TTLL8: variants seen among roughly 807,000 people sequenced by gnomAD.
TTLL8 encodes the protein tubulin tyrosine ligase like 8, also known as protein monoglycylase TTLL8.
Under a neutral mutation model 77.8 loss-of-function variants are expected in TTLL8, and 65 were observed. The ratio of observed to expected loss-of-function variants is 0.84; its 90% CI spans 0.68 to 1.03. The LOEUF is 1.03. Ranked by LOEUF, TTLL8 falls within the 50% of genes least tolerant of loss-of-function variation. The pLI, the probability that TTLL8 is intolerant of heterozygous loss-of-function variation, is 0.00. For synonymous variants in TTLL8, 402 were observed against 422.8 expected (o/e 0.95, Z 0.60); for missense variants, 910 against 1,004.5 (o/e 0.91, Z 1.27).
In TTLL8 at chr22:50,029,512, C is replaced by CA. The variant is rs769844944; in HGVS notation, c.2203+917_2203+918insT. 1.7e-3 allele frequency among the ~76,000 whole-genome samples: 254 copies of CA among 151,902 alleles called. 3 individuals carry two copies. Among genetic ancestry groups the CA allele is most frequent in the South Asian group, 6.7e-3 (32 of 4,804 alleles). ...ATCCCAGCACCTTGGGAGGCTGAGG[C>CA]GGCGGATCACGAGGTCAGGAGGTGG... is the stretch of plus-strand genomic sequence containing the variant. On this transcript the variant is annotated intron_variant, in intron 12 of 13. Coordinates refer to ENST00000266182, the Ensembl canonical transcript of TTLL8.
rs2061323260 is a variant in TTLL8 at position 50,034,621 on chromosome 22, C to CG, written c.922-160dup. On this transcript the variant is annotated intron_variant, in intron 8 of 13. Transcript: ENST00000266182. The surrounding 1 kb of genome is among the most constrained non-coding windows in gnomAD (Gnocchi z 4.1). ...GGGCTGGCCTGGCGGGAAAGGGCTG[C>CG]GGGTCGGCCCAGGAAGTTCTCCCAA... 2 of 675,508 alleles carry CG rather than the reference C, an allele frequency of 3.0e-6. No homozygotes were observed. Among genetic ancestry groups the CG allele is most frequent in the Non-Finnish European group, 2.1e-6 (1 of 466,984 alleles). The allele number at this position is 675,508 out of a possible 1,614,324, so 41.8% of individuals were successfully genotyped here.
chr22:50,045,901 G>T, exon 5 of TTLL8: 2 of 1,361,522 alleles, frequency 1.5e-6, no homozygotes, highest in South Asian at 1.1e-5. Context: ...CTGTAGCAGC[G>T]TGGGAAGAAG....
exon 11 of TTLL8, chr22:50,031,940 T>C (rs1282893829): frequency 2.2e-6 from 3 of 1,366,958 alleles, no homozygotes. Flanking sequence ...GCGATGGCCT[T>C]CTTCATGGAC....
At chr22:50,021,216 C>CTGA (rs1465886152) in intron 12 of TTLL8, among the ~76,000 whole-genome samples, 10 of 149,896 alleles carry the variant, frequency 6.7e-5, no homozygotes, top group East Asian at 4.0e-4. Context: ...ACTCCTCCAT[C>CTGA]TGACGTGCAC....
Position 50,044,828 on chromosome 22 carries a change from CGGCT to C in TTLL8, c.643+423_643+426del, listed in dbSNP as rs1187405736. On this transcript the variant is annotated intron_variant, in intron 6 of 13. Coordinates refer to ENST00000266182, the Ensembl canonical transcript of TTLL8. The surrounding 1 kb of genome is among the most constrained non-coding windows in gnomAD (Gnocchi z 4.2). Reference sequence around the variant, plus strand: ...ATTTGGGTTTTGTCCAAAAACACGACGGCTGGTTCACATCCCTGTACCACCCAGG... The same window carrying C: ...ATTTGGGTTTTGTCCAAAAACACGACGGTTCACATCCCTGTACCACCCAGG... 6.6e-6 allele frequency among the ~76,000 whole-genome samples: 1 copy of C among 152,192 alleles called. No individual in the cohort carries two copies. Among genetic ancestry groups the C allele is most frequent in the Non-Finnish European group, 1.5e-5 (1 of 68,024 alleles).
At chr22:50,050,135 A>G (rs774451072) in exon 2 of TTLL8, 1 of 1,367,278 alleles carries the variant, frequency 7.3e-7, no homozygotes, top group Admixed American at 1.9e-5. Flanking sequence ...TTCATCCTCG[A>G]CATCCGGAAT....
chr22:50,029,323 CA>C, intron 12 of TTLL8, among the ~76,000 whole-genome samples: 1 of 109,652 alleles, frequency 9.1e-6, no homozygotes, highest in African/African-American at 3.9e-5. Flanking sequence ...CTGAAGACCC[CA>C]CACACCCTCG....
chr22:50,054,983 C>T (rs936734760), upstream of TTLL8, among the ~76,000 whole-genome samples: 7 of 152,066 alleles, frequency 4.6e-5, no homozygotes, highest in African/African-American at 1.4e-4. Flanking sequence ...TTGCTTGAAC[C>T]CGGGAGGCAG....
intron 5 of TTLL8, 137 bp from the exon 8 acceptor site, chr22:50,045,526 A>AC (rs1569231478): frequency 1.4e-6 from 1 of 731,324 alleles, no homozygotes; most frequent in African/African-American, 1.8e-5. Flanking sequence ...CTGCTCCCAC[A>AC]CCCCCAGTCT....
In TTLL8 at chr22:50,049,143, G is replaced by A. The variant is rs1366170232; in HGVS notation, c.264+106C>T. 2.3e-5 allele frequency: 31 copies of A among 1,327,720 alleles called. 1 individual carries two copies. In the East Asian group the frequency reaches 2.8e-4, roughly 12 times the overall value. The allele number at this position is 1,327,720 out of a possible 1,614,324, so 82.2% of individuals were successfully genotyped here. The stretch of plus-strand genomic sequence containing the variant: ...CTGTGACTGGGGCTTTGCCCTCGCC[G>A]GGCTGCCATCCCCCCAGGACATGGG... On this transcript the variant is annotated intron_variant, in intron 3 of 13. Coordinates refer to ENST00000266182, the Ensembl canonical transcript of TTLL8.
rs541697507 is a variant in TTLL8, at chr22:50,027,650, C to T, written c.2203+2780G>A. The stretch of plus-strand genomic sequence containing the variant: ...AGCCAACAAGCTCCAAGGGCCAGCA[C>T]GCACTTCCTGTCCTGCTGGCCGGAC... On this transcript the variant is annotated intron_variant, in intron 12 of 13. Coordinates refer to ENST00000266182, the Ensembl canonical transcript of TTLL8. The T allele has an allele frequency of 3.7e-5, 36 of 985,458 alleles. No individual in the cohort carries two copies. The African/African-American group carries it at 5.6e-4, about 15-fold the overall frequency. 61.0% of individuals were successfully genotyped at this position (985,458 alleles called of 1,614,324 possible).
chr22:50,051,496 T>C (rs1410761729), intron 1 of TTLL8, among the ~76,000 whole-genome samples: 2 of 152,380 alleles, frequency 1.3e-5, no homozygotes, highest in East Asian at 1.9e-4. Context: ...GCTGCAAACA[T>C]GCGTGAGCAA....
At chr22:50,020,677 G>A (rs2061190452) in intron 12 of TTLL8, among the ~76,000 whole-genome samples, 1 of 145,806 alleles carries the variant, frequency 6.9e-6, no homozygotes, top group African/African-American at 2.6e-5. Flanking sequence ...TCCTCCATCT[G>A]ACAACGTGCA....
chr22:50,045,489 C>T (rs915709667), intron 5 of TTLL8, 100 bp from the exon 8 acceptor site: 24 of 1,074,020 alleles, frequency 2.2e-5, no homozygotes, highest in African/African-American at 3.2e-5. Context: ...CCCCACTTCC[C>T]GCCCTCATAG....
chr22:50,040,407 A>G (rs2061363467), intron 8 of TTLL8, among the ~76,000 whole-genome samples: 1 of 152,284 alleles, frequency 6.6e-6, no homozygotes, highest in African/African-American at 2.4e-5. Context: ...CATGTTGGGC[A>G]CAAGAAGTCA....
intron 11 of TTLL8, 90 bp downstream of exon 12, chr22:50,031,596 C>T: frequency 8.4e-7 from 1 of 1,197,118 alleles, no homozygotes; most frequent in Non-Finnish European, 1.1e-6. Flanking sequence ...GCACTGGCGG[C>T]CTGCAGCTCC....
upstream of TTLL8, chr22:50,056,816 G>A (rs894705693): frequency 7.8e-7 from 1 of 1,289,602 alleles, no homozygotes; most frequent in Non-Finnish European, 1.0e-6. This position sits in a 1 kb window ranked among gnomAD's most constrained non-coding sequence, Gnocchi z 4.1. Context: ...CTGCCTCTGA[G>A]CCCGGGCCAC....
At chr22:50,056,719 G>A (rs930042134), upstream of TTLL8, 8 of 1,253,078 alleles carry the variant, frequency 6.4e-6, no homozygotes, top group Middle Eastern at 4.9e-4. The surrounding 1 kb of genome is among the most constrained non-coding windows in gnomAD (Gnocchi z 4.1). Flanking sequence ...CGCCTGGACC[G>A]TCCAAGAGAA....
At position 50,030,430 on chromosome 22, in the gene TTLL8, CT is replaced by C. The variant is rs1402768114; in HGVS notation, c.2202del (p.Gly735GlufsTer?). ...GCGCACCGCCGGCGGCGCAGGTTAC[CT>C]TTTCCTCCGGGCGGCGGACGCAGCG... On this transcript the variant is annotated frameshift_variant and splice_region_variant, in exon 12 of 14. Transcript: ENST00000266182. LOFTEE classifies it high-confidence loss of function. 7 of 1,329,580 alleles carry C rather than the reference CT, an allele frequency of 5.3e-6. No homozygotes were observed. The highest frequency in any genetic ancestry group is 2.0e-5 in the Admixed American group (1 of 49,402). 82.4% of individuals were successfully genotyped at this position (1,329,580 alleles called of 1,614,324 possible). A position where few individuals can be genotyped will look rare whatever the true frequency, so the allele number is the denominator to read the frequency against.
Sources: allele counts gnomAD v4.1 joint callset (sites outside exome capture counted in the v4.1 genomes callset), GRCh38; gene constraint gnomAD v4.1.1; non-coding constraint Gnocchi (gnomAD v3.1); transcripts MANE v1.5; gene names NCBI Gene and HGNC (gene_info 2026-07-23, HGNC 2026-07-21).